The following TOR1AIP1 variants were observed in gnomAD, a reference collection of about 807,000 sequenced individuals.
TOR1AIP1 encodes the protein torsin 1A interacting protein 1, also known as torsin-1A-interacting protein 1.
In TOR1AIP1, 54 loss-of-function variants were observed where a neutral mutation model predicts 63.3. The observed-to-expected ratio is 0.85, with a 90% CI of 0.69 to 1.07. The LOEUF (loss-of-function observed/expected upper bound fraction) is 1.07. Among genes scored for constraint, TOR1AIP1 ranks in the 50% least tolerant of loss-of-function variants. The pLI is 0.00. For missense variants in TOR1AIP1, 736 were observed against 715.0 expected (o/e 1.03, Z -0.33); for synonymous variants, 294 against 273.5 (o/e 1.07, Z -0.74).
rs1647868585 is a variant in TOR1AIP1, at chr1:179,884,875, G to GT, written c.553+107dup. On this transcript the variant is annotated intron_variant, in intron 2 of 9. Coordinates refer to ENST00000606911, the MANE Select transcript of TOR1AIP1 (RefSeq NM_015602.4). ...GTAAAGAAAAGACAAGGGCAGACAC[G>GT]TGAGTACTCAAGAGTACCAGCCACC... The GT allele has an allele frequency of 1.2e-5, 10 of 812,774 alleles. No individual in the cohort carries two copies. In the South Asian group the frequency reaches 1.7e-4, roughly 14 times the overall value. 50.3% of individuals were successfully genotyped at this position (812,774 alleles called of 1,614,324 possible).
intron 6 of TOR1AIP1, among the ~76,000 whole-genome samples, chr1:179,905,044 CT>C (rs974661257): frequency 1.3e-5 from 2 of 151,776 alleles, no homozygotes; most frequent in African/African-American, 4.8e-5. Flanking sequence ...TCTTCAAGAA[CT>C]TTTTTTTTCT....
rs969558059 is a variant in TOR1AIP1, at chr1:179,882,836, A to T, written c.334A>T (p.Arg112Trp). 1 of 1,614,190 alleles carries T rather than the reference A, an allele frequency of 6.2e-7. No individual in the cohort carries two copies. Residue 112 changes from arginine to tryptophan, a missense_variant, in exon 1 of 10, where the codon AGG becomes TGG. Physicochemically the swap from Arg to Trp is moderately radical, Grantham distance 101 (BLOSUM62 -3). Coordinates refer to ENST00000606911, the MANE Select transcript of TOR1AIP1 (RefSeq NM_015602.4). ...SAYYLRSRQR[R>W]QPRPQETEEM... ...GTACTACCTTCGGTCTAGGCAGCGG[A>T]GGCAGCCGCGACCCCAGGAAACCGA...
At chr1:179,885,629 CT>C (rs1429790602) in intron 2 of TOR1AIP1, among the ~76,000 whole-genome samples, 1 of 152,132 alleles carries the variant, frequency 6.6e-6, no homozygotes, top group African/African-American at 2.4e-5. Context: ...ACTTATTTAC[CT>C]GTTTCTAATA....
At chr1:179,887,430 C>T (rs1223010016) in intron 2 of TOR1AIP1, among the ~76,000 whole-genome samples, 2 of 151,862 alleles carry the variant, frequency 1.3e-5, no homozygotes, top group African/African-American at 2.4e-5. Flanking sequence ...AAAGGACCAC[C>T]TTATAAAACA....
chr1:179,889,466 A>ATTT lies in TOR1AIP1; in HGVS notation c.610+97_610+98insTTT, dbSNP rs552942515. 5.2e-4 allele frequency: 546 copies of ATTT among 1,049,904 alleles called. 2 individuals are homozygous for ATTT. Among genetic ancestry groups the ATTT allele is most frequent in the Middle Eastern group, 2.6e-3 (9 of 3,504 alleles). 65.0% of individuals were successfully genotyped at this position (1,049,904 alleles called of 1,614,324 possible). A position where few individuals can be genotyped will look rare whatever the true frequency, so the allele number is the denominator to read the frequency against. On this transcript the variant is annotated intron_variant, in intron 3 of 9. Transcript: ENST00000606911. ...GTATTCATATGATTCAGAACTTAAAAGTTACTGTAAATATACATTAAAAAA... is the reference window on the plus strand; with the variant it reads ...GTATTCATATGATTCAGAACTTAAAATTTGTTACTGTAAATATACATTAAAAAA...
At chr1:179,898,409 TAAG>T (rs1225264239) in intron 3 of TOR1AIP1, among the ~76,000 whole-genome samples, 2 of 152,166 alleles carry the variant, frequency 1.3e-5, no homozygotes, top group East Asian at 1.9e-4. Flanking sequence ...TATTGATTCT[TAAG>T]AAAGCATCTT....
Position 179,917,965 on chromosome 1 carries a change from A to C in TOR1AIP1, c.1478A>C (p.Tyr493Ser). The C allele has an allele frequency of 4.3e-6, 7 of 1,614,236 alleles. No individual in the cohort carries two copies. The highest frequency in any genetic ancestry group is 5.9e-6 in the Non-Finnish European group (7 of 1,180,044). Residue 493 changes from tyrosine (Y) to serine (S), a missense_variant, in exon 10 of 10, where the codon TAC (tyrosine) becomes TCC (serine). By Grantham distance (144) the Tyr-to-Ser change is moderately radical (BLOSUM62 -2). Coordinates refer to ENST00000606911, the MANE Select transcript of TOR1AIP1 (RefSeq NM_015602.4). ...SFPAGSTLIF[Y>S]KYCDHENAAF... ...CCCGCAGGCTCTACTTTGATCTTCT[A>C]CAAATATTGTGACCATGAAAACGCG...
chr1:179,903,950 G>GT lies in TOR1AIP1; in HGVS notation c.740-10dup, dbSNP rs754422946. 5.8e-6 allele frequency: 9 copies of GT among 1,550,894 alleles called. No homozygotes were observed. In the East Asian group the frequency reaches 9.0e-5, roughly 16 times the overall value. On this transcript the variant is annotated splice_polypyrimidine_tract_variant and intron_variant, in intron 5 of 9. Transcript: ENST00000606911. ...AGTTGGATATTATTTATAGTGTACT[G>GT]TTTTTTATTTTTTAGATAAAACCAC...
chr1:179,898,055 T>G (rs534532081), intron 3 of TOR1AIP1, among the ~76,000 whole-genome samples: 13 of 151,508 alleles, frequency 8.6e-5, no homozygotes, highest in African/African-American at 3.2e-4. Flanking sequence ...TGAGCCAAGA[T>G]CACACCACTG....
chr1:179,889,287 A>G (rs1241369080), intron 2 of TOR1AIP1, 26 bp from the exon 3 acceptor site: 1 of 1,542,274 alleles, frequency 6.5e-7, no homozygotes, highest in Non-Finnish European at 8.9e-7. Flanking sequence ...TATATTTTTA[A>G]ATGTTTTCTC....
chr1:179,891,231 T>C (rs1258082314), intron 3 of TOR1AIP1, among the ~76,000 whole-genome samples: 3 of 152,236 alleles, frequency 2.0e-5, no homozygotes. Flanking sequence ...TTTTTGTTTT[T>C]GTTTTTCTGA....
chr1:179,902,545 GC>G (rs1437869645), intron 5 of TOR1AIP1, among the ~76,000 whole-genome samples: 4 of 152,118 alleles, frequency 2.6e-5, no homozygotes, highest in Non-Finnish European at 5.9e-5. Flanking sequence ...GGGCCACCGT[GC>G]CTGGCATTAT....
rs1437975371 is a variant in TOR1AIP1 at position 179,882,894 on chromosome 1, A to G, written c.392A>G (p.Gln131Arg). Reference protein sequence around the residue: ...EMKTRRTTRLQQQHSEQPPLQ... With the variant: ...EMKTRRTTRLRQQHSEQPPLQ... Reference sequence around the variant, plus strand: ...AAGACGCGAAGGACTACCCGCCTTCAGCAGCAGCACTCAGAGCAGCCTCCG... The same window carrying G: ...AAGACGCGAAGGACTACCCGCCTTCGGCAGCAGCACTCAGAGCAGCCTCCG... The change falls in exon 1 of 10, where the codon CAG becomes CGG. Residue 131 changes from glutamine (Q) to arginine (R), a missense_variant. Physicochemically the swap from Gln to Arg is conservative, Grantham distance 43. Coordinates refer to ENST00000606911, the MANE Select transcript of TOR1AIP1 (RefSeq NM_015602.4). 3 of 1,614,130 alleles carry G rather than the reference A, an allele frequency of 1.9e-6. No individual in the cohort carries two copies. The highest frequency in any genetic ancestry group is 2.5e-6 in the Non-Finnish European group (3 of 1,180,038).
chr1:179,915,047 A>G (rs1001883992), intron 9 of TOR1AIP1, among the ~76,000 whole-genome samples: 9 of 152,228 alleles, frequency 5.9e-5, no homozygotes, highest in Non-Finnish European at 1.0e-4. Context: ...TTTAATGCCT[A>G]GCTTTAAAAA....
intron 2 of TOR1AIP1, among the ~76,000 whole-genome samples, chr1:179,886,497 C>T (rs1270213229): frequency 6.6e-6 from 1 of 152,116 alleles, no homozygotes; most frequent in African/African-American, 2.4e-5. Flanking sequence ...ACTCACAGGG[C>T]CTCTGAAGAA....
chr1:179,902,694 T>C (rs1300191360), intron 5 of TOR1AIP1, among the ~76,000 whole-genome samples: 1 of 152,200 alleles, frequency 6.6e-6, no homozygotes, highest in Non-Finnish European at 1.5e-5. Context: ...ATTCCTTCAC[T>C]TTTTAGCTGT....
At position 179,918,222 on chromosome 1, in the gene TOR1AIP1, A is replaced by G; in HGVS notation, c.1735A>G (p.Arg579Gly). ...TGTGCAACCTGAAAATGCCCTGAAA[A>G]GGGGCATCTGCTTATAAGAAGTGAG... The part of the protein sequence containing the change: ...LPVQPENALK[R>G]GICL Residue 579 changes from arginine to glycine, a missense_variant, in exon 10 of 10, where the codon AGG becomes GGG. Transcript: ENST00000606911. The G allele has an allele frequency of 6.2e-7, 1 of 1,600,650 alleles. No homozygotes were observed.
intron 8 of TOR1AIP1, among the ~76,000 whole-genome samples, chr1:179,911,546 A>G (rs182203426): frequency 2.8e-4 from 42 of 152,234 alleles, no homozygotes; most frequent in African/African-American, 1.0e-3. Flanking sequence ...TGATAAAACA[A>G]TGATTATAGA....
rs1344130187 is a variant in TOR1AIP1, at chr1:179,918,003, G to A, written c.1516G>A (p.Val506Ile). 3.1e-6 allele frequency: 5 copies of A among 1,614,116 alleles called. No homozygotes were observed. The African/African-American group carries it at 5.3e-5, about 17-fold the overall frequency. Residue 506 changes from valine (V) to isoleucine (I), a missense_variant, in exon 10 of 10, where the codon GTA becomes ATA. This residue lies in a region of TOR1AIP1 where 272 missense variants were observed against 344.1 expected (regional missense o/e 0.79). Transcript: ENST00000606911. ...CCATGAAAACGCGGCCTTCAAAGAT[G>A]TAGCCTTAGTCCTGACTGTCTTATT... ...CDHENAAFKD[V>I]ALVLTVLLEE... is the part of the protein sequence containing the mutation.
Sources: allele counts gnomAD v4.1 joint callset (sites outside exome capture counted in the v4.1 genomes callset), GRCh38; gene constraint gnomAD v4.1.1; regional missense constraint gnomAD v4.1.1; transcripts MANE v1.5; gene names NCBI Gene and HGNC (gene_info 2026-07-23, HGNC 2026-07-21).